Variants in MEGF11 observed in about 807,000 individuals in gnomAD.
The protein encoded by MEGF11 is multiple epidermal growth factor-like domains protein 11.
Under a neutral mutation model 146.6 loss-of-function variants are expected in MEGF11, and 126 were observed. The ratio of observed to expected loss-of-function variants is 0.86; its 90% CI spans 0.74 to 1.00. MEGF11 has a LOEUF of 1.00. MEGF11 is among the 50% of genes least tolerant of loss of function. The pLI is 0.00. For synonymous variants in MEGF11, 532 were observed against 583.4 expected (o/e 0.91, Z 1.27); for missense variants, 1,509 against 1,521.2 (o/e 0.99, Z 0.13).
chr15:66,134,352 A>G (rs573441550), intron 1 of MEGF11, among the ~76,000 whole-genome samples: 8 of 152,090 alleles, frequency 5.3e-5, no homozygotes, highest in Non-Finnish European at 1.2e-4. Context: ...AAACTTATCT[A>G]TGTTCTTAGG....
chr15:66,026,206 A>T (rs2083325913), intron 5 of MEGF11, among the ~76,000 whole-genome samples: 1 of 152,228 alleles, frequency 6.6e-6, no homozygotes. Context: ...TTTAATGTGC[A>T]TGAGAATCAC....
chr15:65,949,445 C>G (rs1288099871), intron 10 of MEGF11, among the ~76,000 whole-genome samples: 3 of 152,220 alleles, frequency 2.0e-5, no homozygotes, highest in East Asian at 3.8e-4. Flanking sequence ...GCTCCCCTCG[C>G]CAGCATGCAG....
intron 10 of MEGF11, among the ~76,000 whole-genome samples, chr15:65,952,099 A>C (rs1263223790): frequency 6.6e-6 from 1 of 152,174 alleles, no homozygotes; most frequent in East Asian, 1.9e-4. Context: ...ATTACTGTTA[A>C]TCTCTTATTG....
chr15:66,094,490 CAGGGCTGAGGGGA>C lies in MEGF11; in HGVS notation c.302-9_305del. The C allele has an allele frequency of 6.4e-7, 1 of 1,560,182 alleles. No individual in the cohort carries two copies. The highest frequency in any genetic ancestry group is 8.7e-7 in the Non-Finnish European group (1 of 1,151,724). The stretch of plus-strand genomic sequence containing the variant: ...GGCCGTGCACACACTCCTCCGTACA[CAGGGCTGAGGGGA>C]CATGGGGAGAGGGAGGAAGAACCAG... On this transcript the variant is annotated splice_acceptor_variant and splice_polypyrimidine_tract_variant and coding_sequence_variant and intron_variant, in exon 5 of 26. Transcript: ENST00000395614. LOFTEE classifies it high-confidence loss of function.
intron 1 of MEGF11, among the ~76,000 whole-genome samples, chr15:66,199,816 A>T (rs1203222981): frequency 6.6e-6 from 1 of 152,158 alleles, no homozygotes; most frequent in African/African-American, 2.4e-5. Context: ...AAACAAAAAA[A>T]GATATGCTAA....
intron 1 of MEGF11, among the ~76,000 whole-genome samples, chr15:66,167,237 G>A (rs1214302250): frequency 6.6e-6 from 1 of 152,196 alleles, no homozygotes; most frequent in Non-Finnish European, 1.5e-5. Flanking sequence ...CGGGGCAGAA[G>A]AGGTTGTGCC....
In MEGF11 at chr15:65,970,533, A is replaced by G. The variant is rs1334086462; in HGVS notation, c.899+20T>C. ...ATGAGTAAAATGGACAGCAAAGATAACAGTTAACACTATCCTTACCTGTCC... is the reference window on the plus strand; with the variant it reads ...ATGAGTAAAATGGACAGCAAAGATAGCAGTTAACACTATCCTTACCTGTCC... On this transcript the variant is annotated intron_variant, in intron 8 of 25. Coordinates refer to ENST00000395614, the MANE Select transcript of MEGF11 (RefSeq NM_001385028.1). 1 of 1,608,324 alleles carries G rather than the reference A, an allele frequency of 6.2e-7. No individual in the cohort carries two copies. The highest frequency in any genetic ancestry group is 1.7e-5 in the Admixed American group (1 of 59,726).
At chr15:66,252,531 G>C (rs1427580305) in intron 1 of MEGF11, among the ~76,000 whole-genome samples, 3 of 152,130 alleles carry the variant, frequency 2.0e-5, no homozygotes, top group Non-Finnish European at 4.4e-5. Flanking sequence ...ATCCCGAGAC[G>C]CGGCTGCCGC....
intron 4 of MEGF11, among the ~76,000 whole-genome samples, chr15:66,097,325 G>A (rs930047298): frequency 9.9e-5 from 15 of 152,122 alleles, no homozygotes; most frequent in African/African-American, 3.4e-4. Flanking sequence ...CATCCCTGGC[G>A]CTGGGGCGGC....
In MEGF11 at chr15:66,076,347, TAA is replaced by T. The variant is rs11348293; in HGVS notation, c.394+18053_394+18054del. ...TCTGTCATGTTACTAAAGATCTTTG[TAA>T]AAAAAAAAAAAAATACCAAGTGGCA... On this transcript the variant is annotated intron_variant, in intron 5 of 25. Coordinates refer to ENST00000395614, the MANE Select transcript of MEGF11 (RefSeq NM_001385028.1). Among the ~76,000 whole-genome samples the T allele has an allele frequency of 4.3e-3, 623 of 145,508 alleles. 6 individuals carry two copies. The South Asian group carries it at 0.048, about 11-fold the overall frequency.
At chr15:65,908,426 A>G (rs575976429) in intron 23 of MEGF11, among the ~76,000 whole-genome samples, 4 of 152,156 alleles carry the variant, frequency 2.6e-5, no homozygotes, top group Admixed American at 2.6e-4. Flanking sequence ...ACATGTTCCC[A>G]TAATCAGGGC....
At chr15:66,160,777 A>G (rs2089927467) in intron 1 of MEGF11, among the ~76,000 whole-genome samples, 1 of 152,100 alleles carries the variant, frequency 6.6e-6, no homozygotes, top group South Asian at 2.1e-4. Flanking sequence ...TTAAGAACAT[A>G]AATAAGTAAA....
At chr15:66,219,142 A>G (rs978630000) in intron 1 of MEGF11, among the ~76,000 whole-genome samples, 2 of 152,210 alleles carry the variant, frequency 1.3e-5, no homozygotes, top group Admixed American at 6.5e-5. Flanking sequence ...ACATAGAAGA[A>G]TATCTCTTAG....
intron 5 of MEGF11, among the ~76,000 whole-genome samples, chr15:66,068,583 A>G (rs548752475): frequency 2.2e-3 from 334 of 152,336 alleles, no homozygotes; most frequent in South Asian, 8.5e-3. Flanking sequence ...TTAGTGGCAG[A>G]GCTGGGATTC....
chr15:65,945,511 A>T (rs2080156837), intron 10 of MEGF11, among the ~76,000 whole-genome samples: 1 of 152,144 alleles, frequency 6.6e-6, no homozygotes, highest in South Asian at 2.1e-4. Flanking sequence ...GAGTGCTGAG[A>T]TGCCCCAGAG....
At chr15:66,152,027 C>T (rs552903862) in intron 1 of MEGF11, among the ~76,000 whole-genome samples, 59 of 152,364 alleles carry the variant, frequency 3.9e-4, no homozygotes, top group Non-Finnish European at 6.9e-4. Flanking sequence ...TGCCCAGCTC[C>T]AGGTTCCAAG....
chr15:66,170,435 A>T (rs2090218112), intron 1 of MEGF11, among the ~76,000 whole-genome samples: 1 of 152,182 alleles, frequency 6.6e-6, no homozygotes, highest in Non-Finnish European at 1.5e-5. Context: ...AGTCTCTTAC[A>T]GGGAAGTCTA....
intron 5 of MEGF11, among the ~76,000 whole-genome samples, chr15:66,048,617 G>A (rs1202278433): frequency 6.6e-6 from 1 of 152,218 alleles, no homozygotes. Context: ...CTGGTCTGCA[G>A]ACGCCAAGTG....
chr15:66,119,049 C>T (rs1236445463), intron 4 of MEGF11, 37 bp downstream of exon 4: 2 of 1,335,328 alleles, frequency 1.5e-6, no homozygotes, highest in Non-Finnish European at 2.1e-6. Flanking sequence ...CTCCTCCCTT[C>T]CCCACTGAGG....
Sources: allele counts gnomAD v4.1 joint callset (sites outside exome capture counted in the v4.1 genomes callset), GRCh38; gene constraint gnomAD v4.1.1; transcripts MANE v1.5; gene names NCBI Gene and HGNC (gene_info 2026-07-23, HGNC 2026-07-21).